Variants in YME1L1 observed in about 807,000 individuals in gnomAD.
The protein encoded by YME1L1 is YME1 like 1 ATPase.
YME1L1 carries 39 observed loss-of-function variants against 90.4 expected under a neutral mutation model. The observed-to-expected ratio is 0.43, with a 90% CI of 0.33 to 0.56. The LOEUF (loss-of-function observed/expected upper bound fraction) is 0.56, where lower values mean the gene tolerates loss of function less well. Among genes scored for constraint, YME1L1 ranks in the 20% least tolerant of loss-of-function variants. The probability of loss-of-function intolerance (pLI) is 0.03; values close to 1 mark genes in which losing one functional copy is unlikely to be tolerated. For missense variants in YME1L1, 617 were observed against 868.4 expected, an observed-to-expected ratio of 0.71 and a Z score of 3.64; for synonymous variants, 284 against 287.3, an observed-to-expected ratio of 0.99 and a Z score of 0.12.
chr10:27,148,926 G>C lies in YME1L1; in HGVS notation c.148C>G (p.His50Asp). The C allele has an allele frequency of 6.2e-7, 1 of 1,613,950 alleles. No individual in the cohort carries two copies. Among genetic ancestry groups the C allele is most frequent in the Non-Finnish European group, 8.5e-7 (1 of 1,179,986 alleles). ...CTTACCTCACTGCTGGGAGCCTCAT[G>C]CTCAGGAACTACATCTCGATGCTGG... ...QNQHRDVVPE[H>D]EAPSSEPSLN... The change falls in exon 2 of 19, where the codon CAT becomes GAT. Residue 50 changes from histidine to aspartate, a missense_variant. Physicochemically the swap from His to Asp is moderately conservative, Grantham distance 81. Coordinates refer to ENST00000376016, the MANE Select transcript of YME1L1 (RefSeq NM_014263.4).
intron 4 of YME1L1, among the ~76,000 whole-genome samples, chr10:27,140,011 T>G (rs1207367282): frequency 6.6e-6 from 1 of 152,114 alleles, no homozygotes; most frequent in Admixed American, 6.5e-5. Flanking sequence ...TATCTTAAAT[T>G]TTTTTTTCTT....
chr10:27,131,822 G>A (rs761312113), intron 8 of YME1L1, 37 bp downstream of exon 8: 1 of 1,478,216 alleles, frequency 6.8e-7, no homozygotes, highest in South Asian at 1.2e-5. Context: ...TCAATTAGAG[G>A]ATGTATGAAG....
intron 4 of YME1L1, among the ~76,000 whole-genome samples, chr10:27,137,724 T>C (rs1442394670): frequency 6.6e-6 from 1 of 152,206 alleles, no homozygotes; most frequent in Non-Finnish European, 1.5e-5. Flanking sequence ...TTCCTCTGTA[T>C]TTTTATTGAC....
chr10:27,130,547 T>C (rs2056965450), intron 8 of YME1L1, among the ~76,000 whole-genome samples: 1 of 152,160 alleles, frequency 6.6e-6, no homozygotes, highest in South Asian at 2.1e-4. Flanking sequence ...CCAGATCTGC[T>C]CCACTCACAG....
intron 18 of YME1L1, 75 bp from the exon 19 acceptor site, chr10:27,112,195 A>G (rs2056765835): frequency 1.5e-6 from 2 of 1,368,568 alleles, no homozygotes; most frequent in Non-Finnish European, 2.0e-6. Context: ...AAGAGAAAGA[A>G]AAACTTTATG....
intron 9 of YME1L1, among the ~76,000 whole-genome samples, chr10:27,124,035 T>C (rs1414139867): frequency 6.6e-6 from 1 of 152,204 alleles, no homozygotes; most frequent in African/African-American, 2.4e-5. Flanking sequence ...CAACCAAATG[T>C]AATTAGTGAA....
At position 27,147,542 on chromosome 10, in the gene YME1L1, C is replaced by T. The variant is rs772739301; in HGVS notation, c.168+1364G>A. On this transcript the variant is annotated intron_variant, in intron 2 of 18. Transcript: ENST00000376016. ...GGTTCTGGACGGATGTGCCAGTTAT[C>T]GGTTGTGTCCAAGCTCTTCTTCATC... 1.2e-5 allele frequency: 20 copies of T among 1,611,304 alleles called. No homozygotes were observed. The African/African-American group carries it at 1.3e-4, about 11-fold the overall frequency.
Position 27,110,902 on chromosome 10 carries a change from CTGTCACCCA to C in YME1L1, c.*1066_*1074del, listed in dbSNP as rs1395007317. On this transcript the variant is annotated 3_prime_UTR_variant, in exon 19 of 19. Coordinates refer to ENST00000376016, the MANE Select transcript of YME1L1 (RefSeq NM_014263.4). ...TTTTTTTTTGAGACAGAGTCTCACT[CTGTCACCCA>C]GGCTGGAGTGCAGTGGCTCCTGTGA... 6.6e-6 allele frequency: 1 copy of C among 152,108 alleles called. No individual in the cohort carries two copies. Among genetic ancestry groups the C allele is most frequent in the Non-Finnish European group, 1.5e-5 (1 of 68,034 alleles). The allele number at this position is 152,108 out of a possible 1,614,324, so 9.4% of individuals were successfully genotyped here.
intron 17 of YME1L1, 72 bp from the exon 18 acceptor site, chr10:27,114,679 T>C: frequency 6.3e-6 from 7 of 1,109,906 alleles, no homozygotes; most frequent in Non-Finnish European, 9.3e-6. Context: ...GAGAAAGTAC[T>C]ATCCTATATA....
chr10:27,127,872 C>T (rs1234146127), intron 8 of YME1L1, among the ~76,000 whole-genome samples: 2 of 152,010 alleles, frequency 1.3e-5, no homozygotes, highest in Non-Finnish European at 2.9e-5. Flanking sequence ...TAAAAAAAGA[C>T]TTGGCTGGTT....
chr10:27,121,423 T>C lies in YME1L1; in HGVS notation c.1261A>G (p.Ile421Val). ...DGFKPNEGVI[I>V]IGATNFPEAL... ...TCTGGGAAGTTTGTGGCTCCTATTA[T>C]GATAACTCCTTCATTGGGTTTAAAA... The change falls in exon 12 of 19, where the codon ATA (isoleucine) becomes GTA (valine). Residue 421 changes from isoleucine (I) to valine (V), a missense_variant. Coordinates refer to ENST00000376016, the MANE Select transcript of YME1L1 (RefSeq NM_014263.4). 6.2e-7 allele frequency: 1 copy of C among 1,606,398 alleles called. No homozygotes were observed. The highest frequency in any genetic ancestry group is 1.1e-5 in the South Asian group (1 of 90,942).
intron 15 of YME1L1, among the ~76,000 whole-genome samples, chr10:27,117,329 A>C (rs931840454): frequency 5.9e-5 from 9 of 152,216 alleles, no homozygotes; most frequent in Non-Finnish European, 1.0e-4. Context: ...GCACTTTGGG[A>C]GACTGAGGCA....
At chr10:27,121,611 A>G (rs1158708115) in intron 11 of YME1L1, among the ~76,000 whole-genome samples, 163 bp from the exon 12 acceptor site, 1 of 152,158 alleles carries the variant, frequency 6.6e-6, no homozygotes, top group Non-Finnish European at 1.5e-5. Flanking sequence ...TGCTGCCTCA[A>G]ACTCCTGGGT....
chr10:27,152,264 CTT>C (rs2057228715), intron 1 of YME1L1, among the ~76,000 whole-genome samples: 1 of 152,164 alleles, frequency 6.6e-6, no homozygotes, highest in South Asian at 2.1e-4. Context: ...AGTTATATCT[CTT>C]TTCTTTCACA....
intron 4 of YME1L1, among the ~76,000 whole-genome samples, chr10:27,141,161 A>G (rs946585297): frequency 1.3e-5 from 2 of 152,138 alleles, no homozygotes; most frequent in Non-Finnish European, 2.9e-5. Context: ...TTAGAAGGCC[A>G]AGGCAGGCGG....
At chr10:27,142,528 C>A (rs1435983655) in intron 3 of YME1L1, 43 bp from the exon 4 acceptor site, 4 of 939,762 alleles carry the variant, frequency 4.3e-6, no homozygotes, top group South Asian at 2.3e-5. Flanking sequence ...ATTTCCAAAC[C>A]AAAAAACAAA....
At chr10:27,145,684 A>G (rs1301205383) in intron 2 of YME1L1, 94 bp from the exon 3 acceptor site, 2 of 1,038,838 alleles carry the variant, frequency 1.9e-6, no homozygotes, top group South Asian at 2.5e-5. Flanking sequence ...TCAGATTTTA[A>G]AAGTCTAACA....
rs201351435 is a variant in YME1L1 at position 27,145,516 on chromosome 10, T to C, written c.243A>G (p.Leu81=). 2.2e-5 allele frequency: 35 copies of C among 1,613,672 alleles called. No homozygotes were observed. In the East Asian group the frequency reaches 6.7e-4, roughly 31 times the overall value. The part of the protein sequence containing the change: ...IGQIDQLVEN[L]LPGFCKGKNI... Reference sequence around the variant, plus strand: ...TTTTGCCTTTACAAAATCCAGGAAGTAGATTTTCTACCAGCTGATCAATCT... The same window carrying C: ...TTTTGCCTTTACAAAATCCAGGAAGCAGATTTTCTACCAGCTGATCAATCT... The change falls in exon 3 of 19, where the codon CTA becomes CTG. Residue 81 remains leucine (L), a synonymous_variant. Coordinates refer to ENST00000376016, the MANE Select transcript of YME1L1 (RefSeq NM_014263.4).
rs951227417 is a variant in YME1L1, at chr10:27,143,464, C to G, written c.332-979G>C. ...CCTGTAATCCCAGCACTTTGGGAGG[C>G]TGAGGCGGGCGGATCACGAGGTCAG... On this transcript the variant is annotated intron_variant, in intron 3 of 18. Transcript: ENST00000376016. Among the ~76,000 whole-genome samples, 3 of 151,890 alleles carry G rather than the reference C, an allele frequency of 2.0e-5. No individual in the cohort carries two copies. The East Asian group carries it at 5.9e-4, about 30-fold the overall frequency.
Sources: allele counts gnomAD v4.1 joint callset (sites outside exome capture counted in the v4.1 genomes callset), GRCh38; gene constraint gnomAD v4.1.1; transcripts MANE v1.5; gene names NCBI Gene and HGNC (gene_info 2026-07-23, HGNC 2026-07-21).